The following KALRN variants were observed in gnomAD, a reference collection of about 807,000 sequenced individuals.
KALRN encodes the protein kalirin RhoGEF kinase.
Under a neutral mutation model 353.7 loss-of-function variants are expected in KALRN, and 70 were observed. The observed-to-expected ratio is 0.20, with a 90% CI of 0.16 to 0.24. The LOEUF is 0.24. KALRN is among the 10% of genes least tolerant of loss of function. The probability of loss-of-function intolerance (pLI) is 1.00; values close to 1 mark genes in which losing one functional copy is unlikely to be tolerated. For synonymous variants in KALRN, 1,391 were observed against 1,434.8 expected, an observed-to-expected ratio of 0.97 and a Z score of 0.69; for missense variants, 2,791 against 3,756.7, an observed-to-expected ratio of 0.74 and a Z score of 6.72.
chr3:124,207,918 A>T (rs968671709), intron 1 of KALRN, among the ~76,000 whole-genome samples: 3 of 152,164 alleles, frequency 2.0e-5, no homozygotes, highest in African/African-American at 7.2e-5. Flanking sequence ...GTGATGCTTG[A>T]TTGTGTTCTG....
chr3:124,569,725 T>A (rs1489074707), intron 34 of KALRN, among the ~76,000 whole-genome samples: 1 of 152,222 alleles, frequency 6.6e-6, no homozygotes, highest in East Asian at 1.9e-4. Flanking sequence ...ACTTGGCTTG[T>A]TAGCCAGTCT....
intron 1 of KALRN, among the ~76,000 whole-genome samples, chr3:124,129,160 G>A (rs1486005681): frequency 6.6e-6 from 1 of 152,152 alleles, no homozygotes; most frequent in Non-Finnish European, 1.5e-5. Context: ...GCTTTTGTTT[G>A]AGGAAGGTCC....
chr3:124,315,178 A>G (rs2078689243), intron 6 of KALRN, among the ~76,000 whole-genome samples: 1 of 152,182 alleles, frequency 6.6e-6, no homozygotes, highest in African/African-American at 2.4e-5. Context: ...GTCTTCAGGG[A>G]GAAAGAGTGC....
intron 1 of KALRN, among the ~76,000 whole-genome samples, chr3:124,195,282 C>T (rs964327404): frequency 1.3e-5 from 2 of 152,162 alleles, no homozygotes; most frequent in Non-Finnish European, 2.9e-5. Context: ...GATGAACTTA[C>T]CTTTCTTAAG....
intron 37 of KALRN, among the ~76,000 whole-genome samples, chr3:124,640,116 A>T (rs1014952260): frequency 1.4e-4 from 22 of 152,158 alleles, no homozygotes; most frequent in African/African-American, 5.3e-4. Context: ...GCTCTGGAGT[A>T]TTTATTTGAC....
intron 10 of KALRN, among the ~76,000 whole-genome samples, chr3:124,350,230 C>T (rs2082703751): frequency 6.6e-6 from 1 of 152,232 alleles, no homozygotes; most frequent in African/African-American, 2.4e-5. Flanking sequence ...CCTCCACCTT[C>T]TCACTGATGC....
At chr3:124,478,646 G>A (rs536728600) in intron 27 of KALRN, among the ~76,000 whole-genome samples, 3 of 152,308 alleles carry the variant, frequency 2.0e-5, no homozygotes, top group African/African-American at 7.2e-5. Context: ...ATATTATTGG[G>A]TATCATATTG....
At chr3:124,482,614 A>G (rs1013772621) in intron 27 of KALRN, among the ~76,000 whole-genome samples, 194 bp from the exon 28 acceptor site, 3 of 149,954 alleles carry the variant, frequency 2.0e-5, no homozygotes, top group African/African-American at 4.9e-5. Context: ...TCTCTCTCCT[A>G]TTTTCTCTAT....
chr3:124,559,474 G>C (rs530771748), intron 33 of KALRN, among the ~76,000 whole-genome samples: 2 of 152,172 alleles, frequency 1.3e-5, no homozygotes, highest in African/African-American at 4.8e-5. Flanking sequence ...TGGGAAGGGG[G>C]CCAAGACTTA....
At chr3:124,179,852 G>A (rs2073325943) in intron 1 of KALRN, among the ~76,000 whole-genome samples, 1 of 152,196 alleles carries the variant, frequency 6.6e-6, no homozygotes. Context: ...TTACTCTAAT[G>A]TATTTTATTG....
intron 33 of KALRN, among the ~76,000 whole-genome samples, chr3:124,546,290 CAAA>C (rs5852410): frequency 0.34 from 39,435 of 114,612 alleles, 6,260 homozygotes; most frequent in African/African-American, 0.43. Flanking sequence ...CCCCATCTCT[CAAA>C]AAAAAAAAAA....
chr3:124,051,057 C>T (rs182355503), intron 1 of KALRN, among the ~76,000 whole-genome samples: 1 of 152,324 alleles, frequency 6.6e-6, no homozygotes, highest in Admixed American at 6.5e-5. Context: ...AGAAATGAGG[C>T]TCCCGAGATT....
chr3:124,129,166 G>A (rs1364992967), intron 1 of KALRN, among the ~76,000 whole-genome samples: 9 of 152,130 alleles, frequency 5.9e-5, no homozygotes, highest in Non-Finnish European at 4.4e-5. Flanking sequence ...GTTTGAGGAA[G>A]GTCCGTCATA....
At chr3:124,588,624 C>T (rs952975999) in intron 34 of KALRN, among the ~76,000 whole-genome samples, 1 of 152,066 alleles carries the variant, frequency 6.6e-6, no homozygotes, top group South Asian at 2.1e-4. Flanking sequence ...CGGGGTTTCA[C>T]CATTTTGTCT....
At chr3:124,336,078 G>A (rs61653051) in intron 9 of KALRN, among the ~76,000 whole-genome samples, 1 of 152,258 alleles carries the variant, frequency 6.6e-6, no homozygotes, top group Admixed American at 6.5e-5. Flanking sequence ...GATAGTCACT[G>A]TGCAATCAGT....
At position 124,056,664 on chromosome 3, in the gene KALRN, G is replaced by A. The variant is rs78418506; in HGVS notation, c.73+22851G>A. Among the ~76,000 whole-genome samples the A allele has an allele frequency of 5.3e-3, 800 of 152,258 alleles. 8 individuals are homozygous for A. The highest frequency in any genetic ancestry group is 0.018 in the African/African-American group (760 of 41,558). On this transcript the variant is annotated intron_variant, in intron 1 of 59. Coordinates refer to ENST00000682506, the MANE Select transcript of KALRN (RefSeq NM_001388419.1). ...CCTGGGAGTCCCTGTTCTCAGACAT[G>A]ACACACAAAACGTACAACAACCTGC...
At chr3:124,456,490 C>T (rs1389795674) in intron 22 of KALRN, 120 bp from the exon 23 acceptor site, 1 of 620,842 alleles carries the variant, frequency 1.6e-6, no homozygotes, top group African/African-American at 1.8e-5. Flanking sequence ...TGTAAGATCC[C>T]TCATGTTTTT....
chr3:124,427,834 A>C (rs1276708499), intron 15 of KALRN, among the ~76,000 whole-genome samples: 1 of 152,236 alleles, frequency 6.6e-6, no homozygotes, highest in African/African-American at 2.4e-5. Flanking sequence ...TTATCTTTAA[A>C]GATCATCTAA....
intron 10 of KALRN, among the ~76,000 whole-genome samples, chr3:124,380,936 C>T (rs765911216): frequency 2.0e-5 from 3 of 152,132 alleles, no homozygotes; most frequent in African/African-American, 4.8e-5. Flanking sequence ...AGGTTGATAT[C>T]GTCTTTAAAT....
Sources: gnomAD v4.1 joint callset for allele counts (sites outside exome capture counted in the v4.1 genomes callset) on GRCh38, gnomAD v4.1.1 for gene constraint, MANE v1.5 for transcripts, NCBI Gene and HGNC (gene_info 2026-07-23, HGNC 2026-07-21) for gene names.